The following C1orf21 variants were observed in gnomAD, a reference collection of about 807,000 sequenced individuals.
The protein encoded by C1orf21 is chromosome 1 open reading frame 21.
In C1orf21, 3 loss-of-function variants were observed where a neutral mutation model predicts 18.7. The observed-to-expected ratio is 0.16, with a 90% CI of 0.07 to 0.42. C1orf21 has a LOEUF of 0.42. C1orf21 is among the 10% of genes least tolerant of loss of function. C1orf21 has a pLI of 0.99. For missense variants in C1orf21, 104 were observed against 143.6 expected (o/e 0.72, Z 1.41); for synonymous variants, 41 against 46.4 (o/e 0.88, Z 0.47).
intron 3 of C1orf21, among the ~76,000 whole-genome samples, chr1:184,582,766 T>C (rs1325499171): frequency 6.6e-6 from 1 of 152,214 alleles, no homozygotes; most frequent in Non-Finnish European, 1.5e-5. Context: ...TTAGTCGGCA[T>C]CCTGAACATG....
Position 184,625,580 on chromosome 1 carries a change from G to C in C1orf21, c.*6024G>C, listed in dbSNP as rs569246720. On this transcript the variant is annotated 3_prime_UTR_variant, in exon 6 of 6. Coordinates refer to ENST00000235307, the MANE Select transcript of C1orf21 (RefSeq NM_030806.4). ...CATACATACATATACAGAGAGATAC[G>C]TGGAGAAAGGAAATTTACTCTATCA... is the stretch of plus-strand genomic sequence containing the variant. 6.6e-4 allele frequency: 101 copies of C among 152,482 alleles called. No homozygotes were observed. Among genetic ancestry groups the C allele is most frequent in the Non-Finnish European group, 1.2e-3 (80 of 67,990 alleles). The allele number at this position is 152,482 out of a possible 1,614,324, so 9.4% of individuals were successfully genotyped here.
chr1:184,435,533 G>A (rs1056444462), intron 1 of C1orf21, among the ~76,000 whole-genome samples: 1 of 152,078 alleles, frequency 6.6e-6, no homozygotes. Context: ...AGTAGAGTTG[G>A]GGTTTCCCCA....
chr1:184,427,609 A>G (rs1478309115), intron 1 of C1orf21, among the ~76,000 whole-genome samples: 1 of 152,064 alleles, frequency 6.6e-6, no homozygotes, highest in East Asian at 1.9e-4. Flanking sequence ...CCATCTGTCA[A>G]ATGATGTGGT....
At chr1:184,426,886 T>A (rs1289683462) in intron 1 of C1orf21, among the ~76,000 whole-genome samples, 1 of 152,158 alleles carries the variant, frequency 6.6e-6, no homozygotes, top group African/African-American at 2.4e-5. Flanking sequence ...CTGAATTCAT[T>A]TCTTCAACCT....
chr1:184,584,630 A>G (rs560955868), intron 3 of C1orf21, among the ~76,000 whole-genome samples: 2 of 152,364 alleles, frequency 1.3e-5, no homozygotes, highest in Admixed American at 6.5e-5. Flanking sequence ...TGTTCATAAC[A>G]TCGCTATTCA....
chr1:184,614,160 T>C (rs16823340), intron 5 of C1orf21, among the ~76,000 whole-genome samples: 9,030 of 152,258 alleles, frequency 0.059, 368 homozygotes, highest in African/African-American at 0.1. Flanking sequence ...AGTTTTATTT[T>C]CTGTTGGACC....
At chr1:184,395,294 T>C (rs969240854) in intron 1 of C1orf21, among the ~76,000 whole-genome samples, 7 of 152,176 alleles carry the variant, frequency 4.6e-5, no homozygotes, top group Non-Finnish European at 1.0e-4. Flanking sequence ...TGACAGCTTG[T>C]CATTGATCCT....
intron 5 of C1orf21, among the ~76,000 whole-genome samples, chr1:184,618,510 T>C (rs1002591579): frequency 6.6e-6 from 1 of 152,118 alleles, no homozygotes; most frequent in African/African-American, 2.4e-5. Context: ...GTAAAATATT[T>C]CTGTTATATA....
intron 1 of C1orf21, among the ~76,000 whole-genome samples, chr1:184,449,938 C>A (rs898201712): frequency 6.6e-6 from 1 of 152,068 alleles, no homozygotes; most frequent in Non-Finnish European, 1.5e-5. Context: ...AAGGAAGGCT[C>A]GCATTGGATG....
At chr1:184,513,305 A>G (rs948523799) in intron 3 of C1orf21, among the ~76,000 whole-genome samples, 7 of 152,266 alleles carry the variant, frequency 4.6e-5, no homozygotes, top group African/African-American at 1.7e-4. Context: ...CAGAATAACT[A>G]TAAAAAGTAG....
intron 3 of C1orf21, among the ~76,000 whole-genome samples, chr1:184,561,378 A>G: frequency 6.6e-6 from 1 of 152,190 alleles, no homozygotes; most frequent in East Asian, 1.9e-4. Flanking sequence ...CTGGGCTGGT[A>G]TAATCCAACA....
chr1:184,514,165 C>T (rs1658190968), intron 3 of C1orf21, among the ~76,000 whole-genome samples: 1 of 152,042 alleles, frequency 6.6e-6, no homozygotes, highest in African/African-American at 2.4e-5. Flanking sequence ...ATTAGCTGTG[C>T]CTTGTGGTGC....
chr1:184,626,382 A>AT lies in C1orf21; in HGVS notation c.*6827dup, dbSNP rs932544549. ...ACTAAAGGACTTTCAGGCTGAGAGG[A>AT]TAGCACAGGACTCAGCCCAAAGGAG... On this transcript the variant is annotated 3_prime_UTR_variant, in exon 6 of 6. Transcript: ENST00000235307. 7 of 152,280 alleles carry AT rather than the reference A, an allele frequency of 4.6e-5. No homozygotes were observed. The highest frequency in any genetic ancestry group is 1.7e-4 in the African/African-American group (7 of 41,428). The allele number at this position is 152,280 out of a possible 1,614,324, so 9.4% of individuals were successfully genotyped here. A position where few individuals can be genotyped will look rare whatever the true frequency, so the allele number is the denominator to read the frequency against.
At chr1:184,619,170 G>A (rs993836236) in intron 5 of C1orf21, among the ~76,000 whole-genome samples, 24 of 152,110 alleles carry the variant, frequency 1.6e-4, no homozygotes, top group Non-Finnish European at 5.9e-5. Context: ...AATGTGGCTT[G>A]TTCATTCTTC....
chr1:184,605,640 GC>G (rs1263542533), intron 5 of C1orf21, among the ~76,000 whole-genome samples: 1 of 152,180 alleles, frequency 6.6e-6, no homozygotes, highest in Non-Finnish European at 1.5e-5. Context: ...AAGAGAAAGA[GC>G]CCATGCTTCA....
At chr1:184,539,971 G>GA (rs1658622173) in intron 3 of C1orf21, 1 of 152,212 alleles carries the variant, frequency 6.6e-6, no homozygotes, top group African/African-American at 2.4e-5. Context: ...GCTGACCTGT[G>GA]ATGAACATGT....
chr1:184,414,683 A>G (rs1656419406), intron 1 of C1orf21, among the ~76,000 whole-genome samples: 1 of 152,150 alleles, frequency 6.6e-6, no homozygotes, highest in African/African-American at 2.4e-5. Context: ...TAAATGTTCA[A>G]ATTCCATGGT....
intron 3 of C1orf21, among the ~76,000 whole-genome samples, chr1:184,589,956 C>T (rs571334922): frequency 1.4e-3 from 207 of 152,274 alleles, no homozygotes; most frequent in Middle Eastern, 3.4e-3. Context: ...TCAAGTTCCT[C>T]GAGTGTATAT....
chr1:184,599,318 TTG>T (rs557108766), intron 5 of C1orf21: 13 of 152,230 alleles, frequency 8.5e-5, no homozygotes, highest in Non-Finnish European at 1.9e-4. Flanking sequence ...GTTTTTTACT[TTG>T]TGTTGTCCTT....
Sources: gnomAD v4.1 joint callset for allele counts (sites outside exome capture counted in the v4.1 genomes callset) on GRCh38, gnomAD v4.1.1 for gene constraint, MANE v1.5 for transcripts, NCBI Gene and HGNC (gene_info 2026-07-23, HGNC 2026-07-21) for gene names.